The following ELMOD3 variants were observed in gnomAD, a reference collection of about 807,000 sequenced individuals.
ELMOD3 encodes ELMO domain-containing protein 3.
ELMOD3 carries 36 observed loss-of-function variants against 47.4 expected under a neutral mutation model. The observed-to-expected ratio is 0.76, with a 90% confidence interval of 0.58 to 1.00. The LOEUF (loss-of-function observed/expected upper bound fraction) is 1.00, where lower values mean the gene tolerates loss of function less well. Ranked by LOEUF, ELMOD3 falls within the 50% of genes least tolerant of loss-of-function variation. The pLI, the probability that ELMOD3 is intolerant of heterozygous loss-of-function variation, is 0.00. For missense variants in ELMOD3, 404 were observed against 463.8 expected, an observed-to-expected ratio of 0.87 and a Z score of 1.18; for synonymous variants, 149 against 183.5, an observed-to-expected ratio of 0.81 and a Z score of 1.52.
intron 4 of ELMOD3, among the ~76,000 whole-genome samples, chr2:85,361,926 G>A (rs1683994368): frequency 1.3e-5 from 2 of 150,178 alleles, no homozygotes; most frequent in Non-Finnish European, 3.0e-5. Flanking sequence ...GTGAGACTCC[G>A]TCTCAAAAAA....
At chr2:85,379,296 T>C (rs1294277768) in intron 11 of ELMOD3, among the ~76,000 whole-genome samples, 1 of 152,248 alleles carries the variant, frequency 6.6e-6, no homozygotes, top group East Asian at 1.9e-4. Flanking sequence ...AGCCTTCGCC[T>C]CCCAGGTTCA....
At chr2:85,387,388 G>A (rs1252629304) in intron 11 of ELMOD3, among the ~76,000 whole-genome samples, 3 of 152,092 alleles carry the variant, frequency 2.0e-5, no homozygotes, top group African/African-American at 7.2e-5. Context: ...AAGGCCAGGC[G>A]CAGTGGCTCA....
intron 10 of ELMOD3, among the ~76,000 whole-genome samples, chr2:85,375,355 C>T (rs1280419539): frequency 6.6e-6 from 1 of 152,170 alleles, no homozygotes; most frequent in African/African-American, 2.4e-5. Context: ...CCTCAGATCT[C>T]CAAGGCTCTG....
At chr2:85,390,426 T>G (rs772658890) in intron 13 of ELMOD3, 161 bp downstream of exon 13, 2 of 1,614,216 alleles carry the variant, frequency 1.2e-6, no homozygotes, top group Admixed American at 3.3e-5. Flanking sequence ...CCCTGGAGTC[T>G]GCTAGTTCTC....
chr2:85,378,157 T>C (rs563013145), intron 11 of ELMOD3, among the ~76,000 whole-genome samples: 109 of 152,364 alleles, frequency 7.2e-4, no homozygotes, highest in African/African-American at 2.6e-3. Context: ...GACTTCTTCA[T>C]TATGGCTAGC....
intron 11 of ELMOD3, among the ~76,000 whole-genome samples, chr2:85,388,982 C>A (rs1339115632): frequency 6.6e-6 from 1 of 152,218 alleles, no homozygotes; most frequent in Non-Finnish European, 1.5e-5. Flanking sequence ...GGGAAAATAA[C>A]ATGTCATGTC....
At chr2:85,387,368 T>C (rs1686002518) in intron 11 of ELMOD3, 1 of 475,070 alleles carries the variant, frequency 2.1e-6, no homozygotes, top group Admixed American at 6.1e-5. Flanking sequence ...GTTGACAAAA[T>C]CTGTCTCATA....
intron 13 of ELMOD3, 164 bp downstream of exon 13, chr2:85,390,429 T>G: frequency 6.2e-7 from 1 of 1,614,196 alleles, no homozygotes; most frequent in South Asian, 1.1e-5. Flanking sequence ...TGGAGTCTGC[T>G]AGTTCTCCTT....
intron 11 of ELMOD3, among the ~76,000 whole-genome samples, chr2:85,386,081 C>T (rs1339719672): frequency 6.6e-6 from 1 of 152,200 alleles, no homozygotes; most frequent in Non-Finnish European, 1.5e-5. Context: ...CTCTCCCCAT[C>T]AGAACCACTC....
intron 6 of ELMOD3, among the ~76,000 whole-genome samples, chr2:85,367,916 CTTTTTTTTTT>C (rs1202869090): frequency 7.1e-6 from 1 of 141,332 alleles, no homozygotes; most frequent in Non-Finnish European, 1.6e-5. Flanking sequence ...CTTTTCTTTT[CTTTTTTTTTT>C]TTTTGAGGTG....
At chr2:85,388,672 T>G (rs554552444) in intron 11 of ELMOD3, among the ~76,000 whole-genome samples, 2 of 152,192 alleles carry the variant, frequency 1.3e-5, no homozygotes, top group Admixed American at 6.5e-5. Context: ...GGTCTAGATA[T>G]TGGAAATGCA....
intron 11 of ELMOD3, among the ~76,000 whole-genome samples, chr2:85,383,041 C>G (rs1275046996): frequency 4.1e-5 from 6 of 146,228 alleles, no homozygotes; most frequent in African/African-American, 1.3e-4. Context: ...AACAGGAAAT[C>G]TTACCTTCCT....
At chr2:85,390,307 T>C in intron 13 of ELMOD3, 42 bp downstream of exon 13, 1 of 1,614,154 alleles carries the variant, frequency 6.2e-7, no homozygotes, top group Non-Finnish European at 8.5e-7. Flanking sequence ...GAATGCACAG[T>C]GTCCCAGGTC....
At chr2:85,390,527 T>G (rs1686274727) in intron 13 of ELMOD3, 4 of 1,589,612 alleles carry the variant, frequency 2.5e-6, no homozygotes, top group Non-Finnish European at 3.4e-6. Context: ...GGTCCAATAG[T>G]TGGACTATTC....
chr2:85,358,470 G>GTGT (rs1369823424), intron 4 of ELMOD3, among the ~76,000 whole-genome samples: 1 of 152,022 alleles, frequency 6.6e-6, no homozygotes, highest in Non-Finnish European at 1.5e-5. Flanking sequence ...GAGAGTGGAG[G>GTGT]TGTATTCTGG....
At chr2:85,360,206 A>G (rs1393278098) in intron 4 of ELMOD3, among the ~76,000 whole-genome samples, 25 of 135,850 alleles carry the variant, frequency 1.8e-4, no homozygotes, top group African/African-American at 6.0e-4. Context: ...GCATAGGTTG[A>G]GGTGAGCCGA....
chr2:85,360,030 C>G (rs551619130), intron 4 of ELMOD3, among the ~76,000 whole-genome samples: 15 of 152,022 alleles, frequency 9.9e-5, no homozygotes, highest in Admixed American at 2.0e-4. Context: ...TGCCACTATG[C>G]CCCAAGTGGG....
chr2:85,388,164 T>A (rs6707822), intron 11 of ELMOD3, among the ~76,000 whole-genome samples: 95,352 of 150,584 alleles, frequency 0.63, 30,598 homozygotes, highest in African/African-American at 0.72. Context: ...AAAAAAAAAA[T>A]TTTTTTGTAG....
intron 4 of ELMOD3, among the ~76,000 whole-genome samples, chr2:85,358,233 C>A (rs1467894939): frequency 6.9e-6 from 1 of 145,904 alleles, no homozygotes; most frequent in African/African-American, 2.5e-5. Context: ...GAGCTGGGAT[C>A]ACACCATTGC....
Sources: gnomAD v4.1 joint callset for allele counts (sites outside exome capture counted in the v4.1 genomes callset) on GRCh38, gnomAD v4.1.1 for gene constraint, MANE v1.5 for transcripts, NCBI Gene and HGNC (gene_info 2026-07-23, HGNC 2026-07-21) for gene names.